The following PRELID2 variants were observed in gnomAD, a reference collection of about 807,000 sequenced individuals.
PRELID2 encodes the protein PRELI domain-containing protein 2.
Under a neutral mutation model 28.4 loss-of-function variants are expected in PRELID2, and 25 were observed. The observed-to-expected ratio is 0.88, with a 90% CI of 0.64 to 1.23. PRELID2 has a LOEUF of 1.23. Ranked by LOEUF, PRELID2 falls within the 50% of genes most tolerant of loss-of-function variation. The pLI, the probability that PRELID2 is intolerant of heterozygous loss-of-function variation, is 0.00. For missense variants in PRELID2, 201 were observed against 214.4 expected, an observed-to-expected ratio of 0.94 and a Z score of 0.39; for synonymous variants, 76 against 71.6, an observed-to-expected ratio of 1.06 and a Z score of -0.31.
intron 1 of PRELID2, among the ~76,000 whole-genome samples, chr5:145,506,030 T>A (rs915437337): frequency 1.3e-5 from 2 of 152,048 alleles, no homozygotes; most frequent in African/African-American, 4.8e-5. Context: ...ATTCTAGAGG[T>A]CTGATGTACA....
chr5:145,638,083 T>A lies in PRELID2; in HGVS notation n.70+126848A>T, dbSNP rs148494546. Among the ~76,000 whole-genome samples the A allele has an allele frequency of 6.2e-3, 938 of 152,308 alleles. 20 individuals carry two copies. The highest frequency in any genetic ancestry group is 0.021 in the African/African-American group (881 of 41,570). On this transcript the variant is annotated intron_variant and non_coding_transcript_variant, in intron 1 of 2. Transcript: ENST00000510259. ...GCCTTGGCCTCCCAAAGTGCTGGGA[T>A]AACAGGCCTGAGCCACCGCTCCCAG...
intron 3 of PRELID2, chr5:145,819,324 T>G: frequency 1.7e-6 from 2 of 1,150,532 alleles, no homozygotes; most frequent in South Asian, 1.2e-5. Context: ...CTAAAAGGAC[T>G]CCCACTGAAA....
At chr5:145,546,384 A>T (rs1220476830) in intron 1 of PRELID2, among the ~76,000 whole-genome samples, 1 of 152,214 alleles carries the variant, frequency 6.6e-6, no homozygotes, top group African/African-American at 2.4e-5. Context: ...CATCTTCAAG[A>T]TTTGAACAAG....
the PRELID2 span, among the ~76,000 whole-genome samples, chr5:145,234,625 T>C: frequency 2.0e-5 from 3 of 152,172 alleles, no homozygotes; most frequent in Non-Finnish European, 1.5e-5. Context: ...GATCTTTCCT[T>C]GGTCTACAAG....
At chr5:145,750,487 G>A (rs537509580) in intron 1 of PRELID2, among the ~76,000 whole-genome samples, 1 of 152,030 alleles carries the variant, frequency 6.6e-6, no homozygotes, top group African/African-American at 2.4e-5. Context: ...TTGGTTTGTG[G>A]CCATTGCTCA....
At chr5:145,237,442 A>G in the PRELID2 span, among the ~76,000 whole-genome samples, 1 of 152,006 alleles carries the variant, frequency 6.6e-6, no homozygotes, top group African/African-American at 2.4e-5. Flanking sequence ...GATTTTTTTA[A>G]TGGTTGTCTG....
chr5:145,777,645 G>T (rs904098887), intron 5 of PRELID2, among the ~76,000 whole-genome samples: 1 of 152,174 alleles, frequency 6.6e-6, no homozygotes, highest in African/African-American at 2.4e-5. Context: ...GCTGGCAGGA[G>T]CCCAGGGGCA....
chr5:145,793,093 G>C (rs1752500530), intron 5 of PRELID2, among the ~76,000 whole-genome samples: 1 of 152,088 alleles, frequency 6.6e-6, no homozygotes, highest in Non-Finnish European at 1.5e-5. Flanking sequence ...GAGGAAGGAG[G>C]GGTCTGACTG....
At chr5:145,314,724 C>A in the PRELID2 span, among the ~76,000 whole-genome samples, 1 of 151,868 alleles carries the variant, frequency 6.6e-6, no homozygotes, top group African/African-American at 2.4e-5. Flanking sequence ...GCCAGGTCAT[C>A]CCTGGGCACT....
chr5:145,457,424 A>T, the PRELID2 span, among the ~76,000 whole-genome samples: 3 of 152,152 alleles, frequency 2.0e-5, no homozygotes, highest in Non-Finnish European at 4.4e-5. Context: ...GAAAGCAATG[A>T]TTGTGGCCAT....
intron 1 of PRELID2, among the ~76,000 whole-genome samples, chr5:145,633,169 A>G (rs1030433247): frequency 6.6e-6 from 1 of 152,230 alleles, no homozygotes; most frequent in Non-Finnish European, 1.5e-5. Context: ...TGAGCCCTGT[A>G]AAATGCTGAA....
In PRELID2 at chr5:145,654,554, T is replaced by A. The variant is rs919722635; in HGVS notation, n.70+110377A>T. Among the ~76,000 whole-genome samples, 10 of 152,176 alleles carry A rather than the reference T, an allele frequency of 6.6e-5. No homozygotes were observed. The East Asian group carries it at 1.9e-3, about 29-fold the overall frequency. ...ACATCAAAAAGCTTATCCACCATGA[T>A]CAACTGGGCTTCAGCCCTGGGATGC... On this transcript the variant is annotated intron_variant and non_coding_transcript_variant, in intron 1 of 2. Coordinates refer to the PRELID2 transcript ENST00000510259.
chr5:145,406,190 A>G, the PRELID2 span, among the ~76,000 whole-genome samples: 4 of 152,174 alleles, frequency 2.6e-5, no homozygotes, highest in African/African-American at 9.7e-5. Context: ...GGGGAAACAG[A>G]TCCAAACTAT....
In PRELID2 at chr5:145,732,803, T is replaced by A. The variant is rs1028254448; in HGVS notation, n.70+32128A>T. Reference sequence around the variant, plus strand: ...CAAGTATTAAATAAAACAGTGGGTATCTATGGGGAGGATAGCACAGGGGTA... The same window carrying A: ...CAAGTATTAAATAAAACAGTGGGTAACTATGGGGAGGATAGCACAGGGGTA... On this transcript the variant is annotated intron_variant and non_coding_transcript_variant, in intron 1 of 2. Coordinates refer to the PRELID2 transcript ENST00000510259. 5.9e-5 allele frequency among the ~76,000 whole-genome samples: 9 copies of A among 152,184 alleles called. No homozygotes were observed. The East Asian group carries it at 1.4e-3, about 23-fold the overall frequency.
chr5:145,294,763 G>T, the PRELID2 span, among the ~76,000 whole-genome samples: 4 of 152,106 alleles, frequency 2.6e-5, no homozygotes. Context: ...AATCCCTACA[G>T]TGATGTTCTA....
At chr5:145,736,808 A>G (rs1434153010) in intron 1 of PRELID2, among the ~76,000 whole-genome samples, 1 of 152,210 alleles carries the variant, frequency 6.6e-6, no homozygotes, top group African/African-American at 2.4e-5. Flanking sequence ...CTTGGCACAT[A>G]GGAGATGCTC....
At chr5:145,614,211 G>A (rs933796450) in intron 1 of PRELID2, among the ~76,000 whole-genome samples, 1 of 152,166 alleles carries the variant, frequency 6.6e-6, no homozygotes, top group African/African-American at 2.4e-5. Flanking sequence ...ATGCTGTTTT[G>A]GCGACTATGG....
chr5:145,658,800 A>G (rs1278811104), intron 1 of PRELID2, among the ~76,000 whole-genome samples: 1 of 152,198 alleles, frequency 6.6e-6, no homozygotes, highest in Non-Finnish European at 1.5e-5. Context: ...CCTTCATCAC[A>G]ATGCAAACTA....
chr5:145,596,800 C>G (rs1165162642), intron 1 of PRELID2, among the ~76,000 whole-genome samples: 2 of 151,888 alleles, frequency 1.3e-5, no homozygotes, highest in African/African-American at 2.4e-5. Flanking sequence ...AGTATAAGAC[C>G]CTGGACAATG....
Sources: allele counts gnomAD v4.1 joint callset (sites outside exome capture counted in the v4.1 genomes callset), GRCh38; gene constraint gnomAD v4.1.1; transcripts MANE v1.5; gene names NCBI Gene and HGNC (gene_info 2026-07-23, HGNC 2026-07-21).